CORO2B: variants seen among roughly 807,000 people sequenced by gnomAD.
The protein encoded by CORO2B is coronin-2B.
Under a neutral mutation model 58.8 loss-of-function variants are expected in CORO2B, and 26 were observed. The observed-to-expected ratio is 0.44, with a 90% CI of 0.32 to 0.61. The LOEUF is 0.61. Ranked by LOEUF, CORO2B falls within the 20% of genes least tolerant of loss-of-function variation. The pLI is 0.04. For missense variants in CORO2B, 460 were observed against 645.1 expected (o/e 0.71, Z 3.11); for synonymous variants, 242 against 253.8 (o/e 0.95, Z 0.44).
chr15:68,601,970 G>GGAAGGCA lies in CORO2B; in HGVS notation c.15+22707_15+22713dup, dbSNP rs944610385. Among the ~76,000 whole-genome samples the GGAAGGCA allele has an allele frequency of 5.9e-5, 9 of 152,100 alleles. No homozygotes were observed. In the South Asian group the frequency reaches 6.2e-4, roughly 11 times the overall value. On this transcript the variant is annotated intron_variant, in intron 1 of 11. Transcript: ENST00000261861. Reference sequence around the variant, plus strand: ...GAGGATCACTGTGTCCCAGCATGGCGGAAGGCAGAAGGCAGAAGGCCAAAC... The same window carrying GGAAGGCA: ...GAGGATCACTGTGTCCCAGCATGGCGGAAGGCAGAAGGCAGAAGGCAGAAGGCCAAAC...
intron 2 of CORO2B, among the ~76,000 whole-genome samples, chr15:68,649,023 AG>A (rs1204359180): frequency 6.6e-6 from 1 of 152,342 alleles, no homozygotes; most frequent in African/African-American, 2.4e-5. Context: ...ATAAAAATAA[AG>A]TTTCTCTGTC....
chr15:68,563,596 A>G, the CORO2B span, among the ~76,000 whole-genome samples: 1 of 152,128 alleles, frequency 6.6e-6, no homozygotes, highest in Non-Finnish European at 1.5e-5. Context: ...AATGAAAACA[A>G]AAGCTGGTTA....
chr15:68,555,832 A>C, the CORO2B span, among the ~76,000 whole-genome samples: 1 of 152,190 alleles, frequency 6.6e-6, no homozygotes. Context: ...GGACAGGCAC[A>C]GGGGTCCCAC....
At chr15:68,668,308 C>T (rs1037387634) in intron 2 of CORO2B, among the ~76,000 whole-genome samples, 1 of 152,080 alleles carries the variant, frequency 6.6e-6, no homozygotes, top group African/African-American at 2.4e-5. Flanking sequence ...GATCCAAGAA[C>T]CTTCTGGATC....
intron 2 of CORO2B, among the ~76,000 whole-genome samples, chr15:68,671,750 G>T (rs923983755): frequency 2.0e-5 from 3 of 152,184 alleles, no homozygotes; most frequent in Admixed American, 1.3e-4. Flanking sequence ...ATGGCAGCTG[G>T]CCTCCTCTGA....
chr15:68,534,835 C>T, the CORO2B span, among the ~76,000 whole-genome samples: 1 of 152,164 alleles, frequency 6.6e-6, no homozygotes, highest in African/African-American at 2.4e-5. Flanking sequence ...GGAGGCCTCA[C>T]AATCGTGGCG....
At chr15:68,591,074 G>A (rs571522243) in intron 1 of CORO2B, among the ~76,000 whole-genome samples, 1 of 152,320 alleles carries the variant, frequency 6.6e-6, no homozygotes, top group East Asian at 1.9e-4. Flanking sequence ...CCTGGTCTGT[G>A]GGGGGACACA....
At chr15:68,675,562 A>G (rs1220795317) in intron 2 of CORO2B, among the ~76,000 whole-genome samples, 1 of 152,028 alleles carries the variant, frequency 6.6e-6, no homozygotes, top group Non-Finnish European at 1.5e-5. Context: ...AAGACCATGA[A>G]CCCTTCTGAG....
intron 2 of CORO2B, among the ~76,000 whole-genome samples, chr15:68,681,209 C>T (rs575320257): frequency 1.7e-5 from 2 of 119,214 alleles, no homozygotes; most frequent in South Asian, 3.4e-4. Flanking sequence ...CAAGATCTCC[C>T]TCCATCTCAA....
At chr15:68,604,332 C>A (rs1900054618) in intron 1 of CORO2B, among the ~76,000 whole-genome samples, 1 of 152,124 alleles carries the variant, frequency 6.6e-6, no homozygotes, top group African/African-American at 2.4e-5. Flanking sequence ...CCCCCACCCC[C>A]AAACCGCCTT....
intron 2 of CORO2B, among the ~76,000 whole-genome samples, chr15:68,647,717 A>C (rs1250897058): frequency 2.0e-5 from 3 of 150,210 alleles, no homozygotes; most frequent in African/African-American, 7.4e-5. Flanking sequence ...GAAAGAAAGA[A>C]GGGACTGGGG....
Position 68,710,222 on chromosome 15 carries a change from A to C in CORO2B, c.334-510A>C, listed in dbSNP as rs1892881225. Reference sequence around the variant, plus strand: ...CTTCAAGTCCACCATCTCTCAGGAGAGACCTGGGGCCCCTCAGCCTCCCAG... The same window carrying C: ...CTTCAAGTCCACCATCTCTCAGGAGCGACCTGGGGCCCCTCAGCCTCCCAG... On this transcript the variant is annotated intron_variant, in intron 3 of 11. Coordinates refer to ENST00000261861, the MANE Select transcript of CORO2B (RefSeq NM_006091.5). This position sits in a 1 kb window ranked among gnomAD's most constrained non-coding sequence, Gnocchi z 4.1. Among the ~76,000 whole-genome samples the C allele has an allele frequency of 6.6e-6, 1 of 152,146 alleles. No homozygotes were observed. The highest frequency in any genetic ancestry group is 1.5e-5 in the Non-Finnish European group (1 of 68,020).
upstream of CORO2B, among the ~76,000 whole-genome samples, chr15:68,576,110 G>A (rs902138674): frequency 6.8e-5 from 8 of 116,804 alleles, no homozygotes; most frequent in Non-Finnish European, 1.3e-4. Context: ...CCAAGACCAC[G>A]CCATTGCACT....
At chr15:68,623,652 C>G (rs1385699849) in intron 1 of CORO2B, among the ~76,000 whole-genome samples, 1 of 152,188 alleles carries the variant, frequency 6.6e-6, no homozygotes, top group Non-Finnish European at 1.5e-5. Flanking sequence ...CTCCAGAAAT[C>G]CTGTTGGGCG....
the CORO2B span, among the ~76,000 whole-genome samples, chr15:68,523,974 C>T: frequency 3.9e-5 from 6 of 152,072 alleles, no homozygotes; most frequent in African/African-American, 1.4e-4. Context: ...GCTTACAATC[C>T]AAGCACTTTG....
chr15:68,709,582 G>A (rs948726844), intron 3 of CORO2B, among the ~76,000 whole-genome samples: 4 of 150,454 alleles, frequency 2.7e-5, no homozygotes, highest in South Asian at 2.1e-4. Flanking sequence ...TCAGCCTCCC[G>A]AGTAGCTGGG....
chr15:68,708,209 G>T (rs570310083), intron 3 of CORO2B, among the ~76,000 whole-genome samples: 1 of 152,108 alleles, frequency 6.6e-6, no homozygotes, highest in Non-Finnish European at 1.5e-5. Context: ...TCTGTGGGGG[G>T]AACACACATG....
chr15:68,641,318 G>C (rs1901217317), intron 1 of CORO2B, among the ~76,000 whole-genome samples: 1 of 152,204 alleles, frequency 6.6e-6, no homozygotes, highest in Admixed American at 6.5e-5. Context: ...CTGGGCTGTG[G>C]GGGCAACAGG....
At chr15:68,602,395 AT>A in intron 1 of CORO2B, among the ~76,000 whole-genome samples, 1 of 148,830 alleles carries the variant, frequency 6.7e-6, no homozygotes, top group East Asian at 2.0e-4. Flanking sequence ...TCCTGCCCAA[AT>A]TAGGGGCTGA....
Sources: allele counts gnomAD v4.1 joint callset (sites outside exome capture counted in the v4.1 genomes callset), GRCh38; gene constraint gnomAD v4.1.1; non-coding constraint Gnocchi (gnomAD v3.1); transcripts MANE v1.5; gene names NCBI Gene and HGNC (gene_info 2026-07-23, HGNC 2026-07-21).